Variants in REPS1 observed in about 807,000 individuals in gnomAD.
The protein encoded by REPS1 is RALBP1 associated Eps domain containing 1, also known as ralBP1-associated Eps domain-containing protein 1.
Under a neutral mutation model 100.9 loss-of-function variants are expected in REPS1, and 39 were observed. That is an observed-to-expected ratio of 0.39 (90% confidence interval 0.30 to 0.50). The LOEUF is 0.50. REPS1 is among the 20% of genes least tolerant of loss of function. The pLI, the probability that REPS1 is intolerant of heterozygous loss-of-function variation, is 0.86. For synonymous variants in REPS1, 324 were observed against 340.3 expected, an observed-to-expected ratio of 0.95 and a Z score of 0.53; for missense variants, 821 against 968.5, an observed-to-expected ratio of 0.85 and a Z score of 2.02.
chr6:138,974,248 T>A (rs1466639372), intron 1 of REPS1, among the ~76,000 whole-genome samples: 2 of 152,336 alleles, frequency 1.3e-5, no homozygotes, highest in Non-Finnish European at 2.9e-5. Context: ...GAAATCTGTC[T>A]ACAAACCTTC....
intron 17 of REPS1, among the ~76,000 whole-genome samples, chr6:138,909,324 G>A (rs775037966): frequency 1.4e-4 from 21 of 152,070 alleles, no homozygotes; most frequent in African/African-American, 3.9e-4. Flanking sequence ...ACAGTTTGTC[G>A]GTGATTATGA....
intron 6 of REPS1, 110 bp from the exon 7 acceptor site, chr6:138,943,686 G>T: frequency 1.0e-6 from 1 of 999,658 alleles, no homozygotes. Flanking sequence ...TTTAATATGT[G>T]AATATGTCAT....
chr6:138,917,510 G>T, intron 13 of REPS1, 45 bp downstream of exon 13: 3 of 1,398,248 alleles, frequency 2.1e-6, no homozygotes, highest in Non-Finnish European at 3.0e-6. Flanking sequence ...ACATTAAAAC[G>T]CAGCAAGATA....
intron 8 of REPS1, among the ~76,000 whole-genome samples, chr6:138,931,780 A>G (rs1438560612): frequency 6.6e-6 from 1 of 151,970 alleles, no homozygotes; most frequent in African/African-American, 2.4e-5. Flanking sequence ...AAAAAAAATT[A>G]TGAAACTTTA....
rs921413007 is a variant in REPS1, at chr6:138,941,608, A to G, written c.981-119T>C. 1.4e-5 allele frequency: 13 copies of G among 940,930 alleles called. No individual in the cohort carries two copies. The African/African-American group carries it at 1.8e-4, about 13-fold the overall frequency. 58.3% of individuals were successfully genotyped at this position (940,930 alleles called of 1,614,324 possible). The stretch of plus-strand genomic sequence containing the variant: ...GTGCAAGAACTCAGTAATTATAAAA[A>G]TCCCATACACAGAAAGATGTGTAAT... On this transcript the variant is annotated intron_variant, in intron 7 of 19. Transcript: ENST00000450536.
At chr6:138,987,389 AC>A (rs1415024792) in intron 1 of REPS1, 140 bp downstream of exon 1, 1 of 882,454 alleles carries the variant, frequency 1.1e-6, no homozygotes, top group Non-Finnish European at 1.6e-6. Context: ...CCTCCCGGGC[AC>A]CTGCGGCCCC....
chr6:138,958,956 A>T (rs531862888), intron 1 of REPS1, among the ~76,000 whole-genome samples: 2 of 152,334 alleles, frequency 1.3e-5, no homozygotes, highest in South Asian at 4.1e-4. Context: ...GATATAATGG[A>T]GTAGAACTGG....
intron 1 of REPS1, among the ~76,000 whole-genome samples, chr6:138,956,673 A>C (rs1783413631): frequency 6.6e-6 from 1 of 152,158 alleles, no homozygotes; most frequent in African/African-American, 2.4e-5. Flanking sequence ...CCTCAAAAAA[A>C]GATAAGCTAT....
chr6:138,928,283 C>T (rs911352857), intron 9 of REPS1: 1 of 152,116 alleles, frequency 6.6e-6, no homozygotes, highest in African/African-American at 2.4e-5. Context: ...ATCAAAAGTG[C>T]TCCATAAAGG....
At chr6:138,978,575 G>A (rs1784734722) in intron 1 of REPS1, among the ~76,000 whole-genome samples, 1 of 151,890 alleles carries the variant, frequency 6.6e-6, no homozygotes, top group African/African-American at 2.4e-5. Flanking sequence ...CTCACAAAGT[G>A]CTAGGATTAC....
intron 9 of REPS1, chr6:138,929,430 T>C (rs1781349239): frequency 6.6e-6 from 1 of 152,476 alleles, no homozygotes; most frequent in South Asian, 2.1e-4. Flanking sequence ...ATATGACACA[T>C]CTTAATGCAG....
chr6:138,988,145 A>C lies in REPS1; in HGVS notation c.-463T>G, dbSNP rs1000712359. 8 of 397,842 alleles carry C rather than the reference A, an allele frequency of 2.0e-5. No individual in the cohort carries two copies. The highest frequency in any genetic ancestry group is 6.2e-4 in the Middle Eastern group (1 of 1,612). The allele number at this position is 397,842 out of a possible 1,614,324, so 24.6% of individuals were successfully genotyped here. ...CTTCCCGGAAAGTTGTGGGGCTTCGAACCTAAAGTTTCGGGGGATCTGGGC... is the reference window on the plus strand; with the variant it reads ...CTTCCCGGAAAGTTGTGGGGCTTCGCACCTAAAGTTTCGGGGGATCTGGGC... On this transcript the variant is annotated 5_prime_UTR_variant, in exon 1 of 20. Transcript: ENST00000450536.
At chr6:138,948,587 G>A (rs547310215) in intron 1 of REPS1, among the ~76,000 whole-genome samples, 1 of 152,196 alleles carries the variant, frequency 6.6e-6, no homozygotes, top group South Asian at 2.1e-4. Context: ...GCTAGCACAA[G>A]TAAATATTAG....
intron 12 of REPS1, among the ~76,000 whole-genome samples, chr6:138,919,662 C>A (rs959030090): frequency 3.3e-5 from 5 of 152,228 alleles, no homozygotes; most frequent in Non-Finnish European, 7.3e-5. Context: ...CAGCTGAATT[C>A]ATCTCCTTCA....
chr6:138,945,108 C>A, intron 4 of REPS1, 111 bp downstream of exon 4: 1 of 915,834 alleles, frequency 1.1e-6, no homozygotes, highest in Non-Finnish European at 1.6e-6. Context: ...TGGCACAAGC[C>A]TATAATCCCC....
At chr6:138,955,581 G>C (rs1783334816) in intron 1 of REPS1, among the ~76,000 whole-genome samples, 2 of 151,226 alleles carry the variant, frequency 1.3e-5, no homozygotes, top group South Asian at 4.2e-4. Flanking sequence ...ACAAGAGAGG[G>C]AAGTTAATGT....
Position 138,920,257 on chromosome 6 carries a change from T to G in REPS1, c.1486A>C (p.Lys496Gln), listed in dbSNP as rs1432108822. 6.2e-7 allele frequency: 1 copy of G among 1,602,858 alleles called. No homozygotes were observed. Among genetic ancestry groups the G allele is most frequent in the Non-Finnish European group, 8.5e-7 (1 of 1,169,802 alleles). The part of the protein sequence containing the change: ...VKPSDLLEEN[K>Q]INSSVKFASG... ...GCGAATTTCACCGATGAATTTATCT[T>G]ATTTTCTTCTAAAAGGTCAGATGGT... Residue 496 changes from lysine to glutamine, a missense_variant, in exon 12 of 20, where the codon AAG becomes CAG. By Grantham distance (53) the Lys-to-Gln change is moderately conservative (BLOSUM62 1). Around this residue, in one of 3 missense-constraint regions of REPS1, gnomAD observed 757 missense variants for 866.4 expected, o/e 0.87. Coordinates refer to ENST00000450536, the MANE Select transcript of REPS1 (RefSeq NM_001286611.2).
At chr6:138,919,832 AATG>A (rs1475155301) in intron 12 of REPS1, among the ~76,000 whole-genome samples, 1 of 151,654 alleles carries the variant, frequency 6.6e-6, no homozygotes, top group East Asian at 1.9e-4. Context: ...TCCCTTACAG[AATG>A]TAAACTCTAT....
In REPS1 at chr6:138,920,203, T is replaced by C. The variant is rs1483254424; in HGVS notation, c.1528+12A>G. 3 of 1,338,862 alleles carry C rather than the reference T, an allele frequency of 2.2e-6. No homozygotes were observed. The highest frequency in any genetic ancestry group is 3.2e-6 in the Non-Finnish European group (3 of 929,888). The allele number at this position is 1,338,862 out of a possible 1,614,324, so 82.9% of individuals were successfully genotyped here. A position where few individuals can be genotyped will look rare whatever the true frequency, so the allele number is the denominator to read the frequency against. ...AGTAAACTTCAAATGGAAGATGTAA[T>C]ACTTCACTTACCTACAGTATTACCA... On this transcript the variant is annotated intron_variant, in intron 12 of 19. Coordinates refer to ENST00000450536, the MANE Select transcript of REPS1 (RefSeq NM_001286611.2).
Sources: gnomAD v4.1 joint callset for allele counts (sites outside exome capture counted in the v4.1 genomes callset) on GRCh38, gnomAD v4.1.1 for gene constraint, gnomAD v4.1.1 regional missense constraint, MANE v1.5 for transcripts, NCBI Gene and HGNC (gene_info 2026-07-23, HGNC 2026-07-21) for gene names.